The following SETD1A variants were observed in gnomAD, a reference collection of about 807,000 sequenced individuals.
The protein encoded by SETD1A is SET domain containing 1A, histone lysine methyltransferase, also known as histone-lysine N-methyltransferase SETD1A.
In SETD1A, 29 loss-of-function variants were observed where a neutral mutation model predicts 149.9. The ratio of observed to expected loss-of-function variants is 0.19; its 90% CI spans 0.14 to 0.26. The LOEUF (loss-of-function observed/expected upper bound fraction) is 0.26, where lower values mean the gene tolerates loss of function less well. Ranked by LOEUF, SETD1A falls within the 10% of genes least tolerant of loss-of-function variation. SETD1A has a pLI of 1.00. For missense variants in SETD1A, 2,109 were observed against 2,353.1 expected (o/e 0.90, Z 2.15); for synonymous variants, 1,141 against 968.5 (o/e 1.18, Z -3.31).
Position 30,984,216 on chromosome 16 carries a change from C to A in SETD1A, c.*193C>A, listed in dbSNP as rs2056424238. On this transcript the variant is annotated 3_prime_UTR_variant, in exon 19 of 19. Transcript: ENST00000262519. ...TTCTGCCTCTCCTGTCACCCCTGCC[C>A]ACCACCCCCTGATTGTTTTTCTTTG... The A allele has an allele frequency of 6.9e-6, 4 of 580,682 alleles. No homozygotes were observed. The highest frequency in any genetic ancestry group is 1.2e-5 in the Non-Finnish European group (4 of 326,586). The allele number at this position is 580,682 out of a possible 1,614,324, so 36.0% of individuals were successfully genotyped here.
rs1027766074 is a variant in SETD1A, at chr16:30,983,577, G to A, written c.4813-58G>A. 1.0e-5 allele frequency: 16 copies of A among 1,574,816 alleles called. No homozygotes were observed. The highest frequency in any genetic ancestry group is 9.4e-5 in the African/African-American group (7 of 74,624). On this transcript the variant is annotated intron_variant, in intron 17 of 18. Coordinates refer to ENST00000262519, the MANE Select transcript of SETD1A (RefSeq NM_014712.3). This position sits in a 1 kb window ranked among gnomAD's most constrained non-coding sequence, Gnocchi z 6.8. The stretch of plus-strand genomic sequence containing the variant: ...GGACCTGGGGTGCTGGCTGGCAGGC[G>A]TGCTCAGGGGCAGGAAGTGGGGGAC...
chr16:30,958,688 C>G, intron 1 of SETD1A, 29 bp from the exon 2 acceptor site: 1 of 1,604,530 alleles, frequency 6.2e-7, no homozygotes, highest in Non-Finnish European at 8.5e-7. Flanking sequence ...AGTCCTGATC[C>G]TTCTTGCGTG....
intron 13 of SETD1A, among the ~76,000 whole-genome samples, chr16:30,977,932 G>A (rs959770638): frequency 5.3e-5 from 8 of 152,194 alleles, no homozygotes; most frequent in African/African-American, 1.7e-4. Flanking sequence ...AGCTTGTTCT[G>A]TCATCTGGTA....
rs368496044 is a variant in SETD1A, at chr16:30,979,466, G to T, written c.3680G>T (p.Arg1227Leu). Residue 1227 changes from arginine to leucine, a missense_variant, in exon 14 of 19, where the codon CGA becomes CTA. By Grantham distance (102) the Arg-to-Leu change is moderately radical. Transcript: ENST00000262519. The stretch of plus-strand genomic sequence containing the variant: ...AAGAGTTGGCCCGAGGAGGTGTCCC[G>T]AGGAGGCCGGAGCCGGGCTGGAGGC... ...LVKSWPEEVS[R>L]GGRSRAGGRG... 2.5e-6 allele frequency: 4 copies of T among 1,599,368 alleles called. No individual in the cohort carries two copies. The highest frequency in any genetic ancestry group is 3.4e-6 in the Non-Finnish European group (4 of 1,173,278).
At position 30,965,018 on chromosome 16, in the gene SETD1A, C is replaced by T. The variant is rs200697075; in HGVS notation, c.1276C>T (p.Arg426Trp). The part of the protein sequence containing the change: ...EPSRPTDQDY[R>W]PPASEAPPPE... ...CAGCCGGCCCACCGACCAGGACTAC[C>T]GGCCTCCTGCCTCAGAGGCTCCACC... Residue 426 changes from arginine to tryptophan, a missense_variant, in exon 7 of 19, where the codon CGG becomes TGG. Arg to Trp is a moderately radical substitution (Grantham distance 101). Around this residue, in one of 8 missense-constraint regions of SETD1A, gnomAD observed 410 missense variants for 394.8 expected, o/e 1.04. Coordinates refer to ENST00000262519, the MANE Select transcript of SETD1A (RefSeq NM_014712.3). 61 of 1,613,492 alleles carry T rather than the reference C, an allele frequency of 3.8e-5. No individual in the cohort carries two copies. The highest frequency in any genetic ancestry group is 4.3e-5 in the Non-Finnish European group (51 of 1,179,970).
At position 30,965,133 on chromosome 16, in the gene SETD1A, C is replaced by A. The variant is rs1191853567; in HGVS notation, c.1391C>A (p.Ser464Tyr). 1 of 1,612,760 alleles carries A rather than the reference C, an allele frequency of 6.2e-7. No homozygotes were observed. Among genetic ancestry groups the A allele is most frequent in the Non-Finnish European group, 8.5e-7 (1 of 1,179,906 alleles). The change falls in exon 7 of 19, where the codon TCC (serine) becomes TAC (tyrosine). Residue 464 changes from serine (S) to tyrosine (Y), a missense_variant. Physicochemically the swap from Ser to Tyr is moderately radical, Grantham distance 144. This residue lies in a region of SETD1A where 410 missense variants were observed against 394.8 expected (regional missense o/e 1.04). Transcript: ENST00000262519. Reference protein sequence around the residue: ...EEVRTSPRPASPARSGSPAPE... With the variant: ...EEVRTSPRPAYPARSGSPAPE... ...GTTCGGACTTCCCCCCGCCCAGCCT[C>A]CCCTGCCCGCTCTGGCTCCCCAGCC...
At position 30,961,534 on chromosome 16, in the gene SETD1A, A is replaced by G; in HGVS notation, c.514A>G (p.Lys172Glu). ...CATCATCCATGCCCAGCTTGACATC[A>G]AAGGTGAGGACTCCTCTGCCTGCCA... ...GNIIHAQLDI[K>E]GQQRMKYYEL... Residue 172 changes from lysine (K) to glutamate (E), a missense_variant, in exon 4 of 19, where the codon AAA becomes GAA. Physicochemically the swap from Lys to Glu is moderately conservative, Grantham distance 56. Transcript: ENST00000262519. This position sits in a 1 kb window ranked among gnomAD's most constrained non-coding sequence, Gnocchi z 4.0. 2 of 1,613,384 alleles carry G rather than the reference A, an allele frequency of 1.2e-6. No individual in the cohort carries two copies. Among genetic ancestry groups the G allele is most frequent in the Non-Finnish European group, 1.7e-6 (2 of 1,179,752 alleles).
At chr16:30,976,087 G>A (rs994530203) in intron 13 of SETD1A, among the ~76,000 whole-genome samples, 5 of 152,078 alleles carry the variant, frequency 3.3e-5, no homozygotes, top group Admixed American at 1.3e-4. Context: ...GAGGAAGAGT[G>A]GAGTAAGAAC....
In SETD1A at chr16:30,970,756, C is replaced by T. The variant is rs1290702971; in HGVS notation, c.3017-622C>T. On this transcript the variant is annotated intron_variant, in intron 12 of 18. Coordinates refer to ENST00000262519, the MANE Select transcript of SETD1A (RefSeq NM_014712.3). ...TGTCCCCCCAGGCCAACACCATGGG[C>T]CGTTTATCTCCTGGCCCTGCTCTGT... 2.6e-5 allele frequency among the ~76,000 whole-genome samples: 4 copies of T among 152,294 alleles called. No individual in the cohort carries two copies. The East Asian group carries it at 5.8e-4, about 22-fold the overall frequency.
At chr16:30,981,455 A>G (rs891340866) in intron 17 of SETD1A, among the ~76,000 whole-genome samples, 2 of 152,066 alleles carry the variant, frequency 1.3e-5, no homozygotes, top group African/African-American at 2.4e-5. Context: ...GCACACTGCA[A>G]CCTCTGCCTC....
chr16:30,979,388 G>T lies in SETD1A; in HGVS notation c.3602G>T (p.Arg1201Leu). The change falls in exon 14 of 19, where the codon CGG (arginine) becomes CTG (leucine). Residue 1201 changes from arginine (R) to leucine (L), a missense_variant. By Grantham distance (102) the Arg-to-Leu change is moderately radical. This residue lies in a region of SETD1A where 832 missense variants were observed against 815.6 expected (regional missense o/e 1.02). Transcript: ENST00000262519. ...FPGPASRKAP[R>L]GVERTIRNLP... ...GGCCCAGCCTCCCGCAAGGCTCCCC[G>T]GGGCGTGGAGCGGACCATCCGCAAC... 6.2e-7 allele frequency: 1 copy of T among 1,612,122 alleles called. No individual in the cohort carries two copies. Among genetic ancestry groups the T allele is most frequent in the Non-Finnish European group, 8.5e-7 (1 of 1,179,350 alleles).
intron 3 of SETD1A, among the ~76,000 whole-genome samples, chr16:30,960,361 A>G (rs923783024): frequency 4.6e-5 from 7 of 152,170 alleles, no homozygotes; most frequent in African/African-American, 1.7e-4. Context: ...CGGTTTTTCA[A>G]AAACACCAAG....
intron 13 of SETD1A, 116 bp from the exon 14 acceptor site, chr16:30,979,029 T>C (rs879928819): frequency 1.4e-5 from 15 of 1,069,836 alleles, no homozygotes; most frequent in Non-Finnish European, 1.9e-5. Flanking sequence ...CTGTGTTCCC[T>C]CCGGGGTTCC....
chr16:30,975,229 G>A (rs1388026819), intron 13 of SETD1A, among the ~76,000 whole-genome samples: 2 of 151,844 alleles, frequency 1.3e-5, no homozygotes, highest in Non-Finnish European at 2.9e-5. Context: ...AGAATCACCT[G>A]AACCTGGGAG....
Position 30,972,865 on chromosome 16 carries a change from AAGAG to A in SETD1A, c.3358+1150_3358+1153del, listed in dbSNP as rs576753813. ...CGAGACCCTGTCTCAAAAAAAAAAA[AAGAG>A]AGAATACCTAGGAAAACCTGTGGTT... On this transcript the variant is annotated intron_variant, in intron 13 of 18. Transcript: ENST00000262519. Among the ~76,000 whole-genome samples, 285 of 152,062 alleles carry A rather than the reference AAGAG, an allele frequency of 1.9e-3. 2 individuals carry two copies. The highest frequency in any genetic ancestry group is 8.1e-3 in the East Asian group (42 of 5,178).
intron 2 of SETD1A, 30 bp from the exon 3 acceptor site, chr16:30,959,061 C>G: frequency 6.5e-7 from 1 of 1,550,346 alleles, no homozygotes; most frequent in Non-Finnish European, 8.9e-7. Flanking sequence ...TCACCCTGAG[C>G]TCTCTTTCTG....
Position 30,959,201 on chromosome 16 carries a change from G to A in SETD1A, c.246+15G>A. The A allele has an allele frequency of 1.3e-6, 2 of 1,529,042 alleles. No homozygotes were observed. The highest frequency in any genetic ancestry group is 1.8e-6 in the Non-Finnish European group (2 of 1,102,394). 94.7% of individuals were successfully genotyped at this position (1,529,042 alleles called of 1,614,324 possible). A position where few individuals can be genotyped will look rare whatever the true frequency, so the allele number is the denominator to read the frequency against. ...CTAAGTTTAAGGTAAGTGTCTGCTG[G>A]GCTCCTGGTGTGGTAGTCCTAAGAG... On this transcript the variant is annotated intron_variant, in intron 3 of 18. Transcript: ENST00000262519.
chr16:30,980,691 A>G lies in SETD1A; in HGVS notation c.4581+34A>G. On this transcript the variant is annotated intron_variant, in intron 15 of 18. Transcript: ENST00000262519. This position sits in a 1 kb window ranked among gnomAD's most constrained non-coding sequence, Gnocchi z 7.7. ...AACCCCGCCGCCGCGTCCTCCTGCC[A>G]CTCACTTCCCTGCCCTGCTCACCTC... is the stretch of plus-strand genomic sequence containing the variant. 1 of 1,610,910 alleles carries G rather than the reference A, an allele frequency of 6.2e-7. No individual in the cohort carries two copies. Among genetic ancestry groups the G allele is most frequent in the Non-Finnish European group, 8.5e-7 (1 of 1,179,072 alleles).
chr16:30,966,843 G>A, intron 8 of SETD1A, 41 bp from the exon 9 acceptor site: 11 of 1,502,292 alleles, frequency 7.3e-6, no homozygotes, highest in Non-Finnish European at 9.8e-6. Context: ...GGGAATGCCT[G>A]GGTTCTGGGC....
Sources: gnomAD v4.1 joint callset for allele counts (sites outside exome capture counted in the v4.1 genomes callset) on GRCh38, gnomAD v4.1.1 for gene constraint, gnomAD v4.1.1 regional missense constraint, Gnocchi (gnomAD v3.1) non-coding constraint, MANE v1.5 for transcripts, NCBI Gene and HGNC (gene_info 2026-07-23, HGNC 2026-07-21) for gene names.